MAPRE2: variants seen among roughly 807,000 people sequenced by gnomAD.
MAPRE2 encodes the protein microtubule-associated protein RP/EB family member 2.
In MAPRE2, 13 loss-of-function variants were observed where a neutral mutation model predicts 43.2. That is an observed-to-expected ratio of 0.30 (90% CI 0.20 to 0.48). MAPRE2 has a LOEUF of 0.48. Among genes scored for constraint, MAPRE2 ranks in the 20% least tolerant of loss-of-function variants. MAPRE2 has a pLI of 0.99. For missense variants in MAPRE2, 161 were observed against 400.2 expected (o/e 0.40, Z 5.10); for synonymous variants, 135 against 148.8 (o/e 0.91, Z 0.68).
intron 6 of MAPRE2, among the ~76,000 whole-genome samples, chr18:35,138,749 G>A (rs1910498554): frequency 6.6e-6 from 1 of 152,248 alleles, no homozygotes; most frequent in African/African-American, 2.4e-5. Context: ...CTTTACAGGT[G>A]AGGAAACTGG....
At chr18:35,131,066 C>T (rs1389293012) in intron 5 of MAPRE2, among the ~76,000 whole-genome samples, 1 of 152,160 alleles carries the variant, frequency 6.6e-6, no homozygotes, top group Non-Finnish European at 1.5e-5. Flanking sequence ...ACCCAAAGCC[C>T]GAACTAGAGA....
At chr18:35,039,012 G>C (rs939800940), upstream of MAPRE2, among the ~76,000 whole-genome samples, 3 of 152,170 alleles carry the variant, frequency 2.0e-5, no homozygotes, top group South Asian at 4.1e-4. Flanking sequence ...TAGAAACAAA[G>C]TGGGTGTGTT....
chr18:35,069,178 A>G (rs779024942), intron 1 of MAPRE2, among the ~76,000 whole-genome samples: 6 of 152,172 alleles, frequency 3.9e-5, no homozygotes, highest in Non-Finnish European at 7.4e-5. Flanking sequence ...TTCAACAACA[A>G]CTTTTTTTTT....
chr18:35,019,487 T>C (rs1337250723), intron 2 of MAPRE2, among the ~76,000 whole-genome samples: 2 of 152,082 alleles, frequency 1.3e-5, no homozygotes, highest in African/African-American at 4.8e-5. Flanking sequence ...TATCTAATGC[T>C]GTCAGTGGGA....
rs202051870 is a variant in MAPRE2, at chr18:35,110,407, C to G, written c.610+8248C>G. On this transcript the variant is annotated intron_variant, in intron 4 of 6. Coordinates refer to ENST00000300249, the MANE Select transcript of MAPRE2 (RefSeq NM_014268.4). ...GTTAAAGTCAGTGGAGTTTTTTTAC[C>G]TTTTTGATGTGGCTACTAGAAAACT... 1.3e-5 allele frequency among the ~76,000 whole-genome samples: 2 copies of G among 151,662 alleles called. 1 individual carries two copies. The highest frequency in any genetic ancestry group is 3.9e-4 in the East Asian group (2 of 5,176).
chr18:35,101,923 C>G, intron 3 of MAPRE2, 23 bp from the exon 4 acceptor site: 1 of 1,555,938 alleles, frequency 6.4e-7, no homozygotes, highest in Middle Eastern at 1.7e-4. Flanking sequence ...GTTTGTAACT[C>G]ACATAGTGAT....
intron 2 of MAPRE2, among the ~76,000 whole-genome samples, chr18:35,016,066 T>A (rs273362): frequency 0.077 from 11,618 of 151,732 alleles, 1,022 homozygotes; most frequent in African/African-American, 0.22. Context: ...TTTCTATATC[T>A]GTGTTAATTT....
intron 1 of MAPRE2, among the ~76,000 whole-genome samples, chr18:35,066,899 T>C (rs1906862468): frequency 6.6e-6 from 1 of 152,342 alleles, no homozygotes; most frequent in Admixed American, 6.5e-5. Context: ...ATTATAAGAA[T>C]ATTCCCATCA....
At chr18:35,066,248 G>A (rs1265484273) in intron 1 of MAPRE2, among the ~76,000 whole-genome samples, 3 of 152,178 alleles carry the variant, frequency 2.0e-5, no homozygotes, top group Non-Finnish European at 4.4e-5. Flanking sequence ...ACTAGCAGTC[G>A]TGAATTGAAG....
intron 1 of MAPRE2, among the ~76,000 whole-genome samples, chr18:35,043,260 A>G (rs1002807388): frequency 2.0e-5 from 3 of 152,202 alleles, no homozygotes; most frequent in African/African-American, 7.2e-5. Context: ...GTGATTTTAA[A>G]TCTCACTAGT....
At chr18:35,029,638 G>A (rs1173151574) in intron 2 of MAPRE2, among the ~76,000 whole-genome samples, 2 of 152,196 alleles carry the variant, frequency 1.3e-5, no homozygotes, top group Admixed American at 1.3e-4. Flanking sequence ...TCTTCTCTGG[G>A]AAGCTTCTGA....
intron 4 of MAPRE2, among the ~76,000 whole-genome samples, chr18:35,114,453 A>G (rs990846947): frequency 2.6e-5 from 4 of 152,180 alleles, no homozygotes; most frequent in Non-Finnish European, 5.9e-5. Context: ...TACTGTCTAC[A>G]TTTATAGATG....
chr18:35,114,243 T>G (rs1163480514), intron 4 of MAPRE2, among the ~76,000 whole-genome samples: 1 of 152,184 alleles, frequency 6.6e-6, no homozygotes, highest in Non-Finnish European at 1.5e-5. Flanking sequence ...CACGGTAAAT[T>G]TCACAACCAA....
At chr18:34,985,146 T>C (rs2097018930) in intron 1 of MAPRE2, among the ~76,000 whole-genome samples, 1 of 80,248 alleles carries the variant, frequency 1.2e-5, no homozygotes, top group South Asian at 4.2e-4. Flanking sequence ...TATACAAATA[T>C]ATTTTATAAT....
At chr18:35,112,610 A>C (rs1324278195) in intron 4 of MAPRE2, among the ~76,000 whole-genome samples, 3 of 152,222 alleles carry the variant, frequency 2.0e-5, no homozygotes, top group Non-Finnish European at 4.4e-5. Context: ...ACTTGGAGCA[A>C]ATAGAAAGAA....
chr18:35,122,554 G>GTGAT (rs960698950), intron 4 of MAPRE2, among the ~76,000 whole-genome samples: 1 of 152,196 alleles, frequency 6.6e-6, no homozygotes, highest in South Asian at 2.1e-4. Flanking sequence ...AGTTACCTAA[G>GTGAT]TGATTGATTA....
chr18:35,123,501 C>G (rs1909778368), intron 4 of MAPRE2, among the ~76,000 whole-genome samples: 1 of 152,208 alleles, frequency 6.6e-6, no homozygotes, highest in African/African-American at 2.4e-5. Context: ...GAGCATGGCA[C>G]AGGCTTGGAC....
chr18:35,066,468 C>T (rs72954319), intron 1 of MAPRE2, among the ~76,000 whole-genome samples: 8,721 of 152,272 alleles, frequency 0.057, 352 homozygotes, highest in South Asian at 0.13. Flanking sequence ...ATAATGAAAT[C>T]TTAGGATTTT....
At chr18:35,077,258 C>T (rs983426773) in intron 2 of MAPRE2, among the ~76,000 whole-genome samples, 10 of 137,622 alleles carry the variant, frequency 7.3e-5, no homozygotes, top group African/African-American at 3.2e-4. Flanking sequence ...CGCACACACA[C>T]ACACACACAC....
Sources: allele counts gnomAD v4.1 joint callset (sites outside exome capture counted in the v4.1 genomes callset), GRCh38; gene constraint gnomAD v4.1.1; transcripts MANE v1.5; gene names NCBI Gene and HGNC (gene_info 2026-07-23, HGNC 2026-07-21).